Variants in HEMK2 observed in about 807,000 individuals in gnomAD.
HEMK2 encodes the protein HemK methyltransferase 2, ETF1 glutamine and histone H4 lysine, also known as methyltransferase HEMK2.
the HEMK2 span, among the ~76,000 whole-genome samples, chr21:28,838,972 A>AAAAATATATATAT: frequency 6.9e-5 from 2 of 29,162 alleles, no homozygotes. Context: ...AAAAAAAAAA[A>AAAAATATATATAT]ATATATATAT....
At chr21:28,667,476 G>A in the HEMK2 span, among the ~76,000 whole-genome samples, 18 of 152,060 alleles carry the variant, frequency 1.2e-4, no homozygotes, top group Non-Finnish European at 1.8e-4. Flanking sequence ...AGAATGTGTC[G>A]AATACACATT....
At chr21:28,609,441 A>G in the HEMK2 span, among the ~76,000 whole-genome samples, 1 of 152,134 alleles carries the variant, frequency 6.6e-6, no homozygotes, top group Non-Finnish European at 1.5e-5. Context: ...TAGTCTACCC[A>G]AATGAGAAGG....
the HEMK2 span, among the ~76,000 whole-genome samples, chr21:28,780,306 T>C: frequency 6.6e-6 from 1 of 152,182 alleles, no homozygotes; most frequent in East Asian, 1.9e-4. Context: ...GCCTTCCAAG[T>C]AGCTGTGACT....
chr21:28,611,911 C>CAAAAA, the HEMK2 span, among the ~76,000 whole-genome samples: 1 of 71,934 alleles, frequency 1.4e-5, no homozygotes, highest in Non-Finnish European at 2.9e-5. Context: ...GACACCATCT[C>CAAAAA]AAAAAAAAAA....
the HEMK2 span, among the ~76,000 whole-genome samples, chr21:28,636,689 T>C: frequency 2.6e-5 from 4 of 152,272 alleles, no homozygotes; most frequent in African/African-American, 9.6e-5. Context: ...TAAATCAATA[T>C]TGCAATGAAG....
At chr21:28,880,949 A>AAAG in the HEMK2 span, among the ~76,000 whole-genome samples, 1 of 139,694 alleles carries the variant, frequency 7.2e-6, no homozygotes, top group Non-Finnish European at 1.6e-5. Flanking sequence ...AAAAAAAAAA[A>AAAG]AAACCGGAAA....
the HEMK2 span, among the ~76,000 whole-genome samples, chr21:28,639,584 C>T: frequency 5.9e-5 from 9 of 152,234 alleles, no homozygotes; most frequent in African/African-American, 1.7e-4. Flanking sequence ...CTTCATGGAG[C>T]AGGTGGGACC....
the HEMK2 span, among the ~76,000 whole-genome samples, chr21:28,584,344 A>G: frequency 6.6e-6 from 1 of 152,202 alleles, no homozygotes; most frequent in Non-Finnish European, 1.5e-5. Flanking sequence ...GCAAATCAGT[A>G]ATAATGGAAT....
At chr21:28,595,557 CA>C in the HEMK2 span, among the ~76,000 whole-genome samples, 2 of 152,120 alleles carry the variant, frequency 1.3e-5, no homozygotes, top group African/African-American at 2.4e-5. Flanking sequence ...ATAAATACTA[CA>C]TTTTTTTAAC....
At chr21:28,633,943 G>C in the HEMK2 span, among the ~76,000 whole-genome samples, 1 of 152,152 alleles carries the variant, frequency 6.6e-6, no homozygotes, top group Non-Finnish European at 1.5e-5. Context: ...CCAGCTTCCT[G>C]TGCTGGGCCC....
At chr21:28,755,038 G>C in the HEMK2 span, among the ~76,000 whole-genome samples, 1 of 152,188 alleles carries the variant, frequency 6.6e-6, no homozygotes, top group Non-Finnish European at 1.5e-5. Flanking sequence ...GAGTTGGCCA[G>C]GCAGAGCTGA....
chr21:28,865,642 C>T, the HEMK2 span, among the ~76,000 whole-genome samples: 2 of 152,220 alleles, frequency 1.3e-5, no homozygotes, highest in Non-Finnish European at 2.9e-5. Flanking sequence ...CCTAGCCAGA[C>T]TGAGCTACTT....
the HEMK2 span, among the ~76,000 whole-genome samples, chr21:28,616,132 C>T: frequency 6.6e-6 from 1 of 152,166 alleles, no homozygotes; most frequent in Non-Finnish European, 1.5e-5. Flanking sequence ...TCACTTTCAG[C>T]TTGCAGATCA....
At chr21:28,767,418 G>A in the HEMK2 span, among the ~76,000 whole-genome samples, 2 of 147,812 alleles carry the variant, frequency 1.4e-5, no homozygotes, top group African/African-American at 2.6e-5. Flanking sequence ...AAAAGGGCAT[G>A]AGATTTAAAA....
the HEMK2 span, among the ~76,000 whole-genome samples, chr21:28,852,330 G>A: frequency 0.11 from 17,219 of 152,092 alleles, 1,185 homozygotes; most frequent in South Asian, 0.17. Context: ...TTCTGGCACC[G>A]GGGAAGTGAC....
the HEMK2 span, among the ~76,000 whole-genome samples, chr21:28,583,033 T>C: frequency 2.6e-5 from 4 of 152,208 alleles, no homozygotes; most frequent in African/African-American, 7.2e-5. Flanking sequence ...GTTGATGACA[T>C]AGTGATATTA....
chr21:28,681,838 G>GGCTAGCCATATGTAGAAA, the HEMK2 span, among the ~76,000 whole-genome samples: 2 of 152,122 alleles, frequency 1.3e-5, no homozygotes, highest in Non-Finnish European at 2.9e-5. Context: ...TGGGAGAACT[G>GGCTAGCCATATGTAGAAA]GCTAGCCATA....
chr21:28,838,988 T>G, the HEMK2 span, among the ~76,000 whole-genome samples: 1 of 76,696 alleles, frequency 1.3e-5, no homozygotes, highest in Non-Finnish European at 2.3e-5. Context: ...TATATATATA[T>G]ATATATATAT....
chr21:28,652,430 TCCTC>T, the HEMK2 span, among the ~76,000 whole-genome samples: 6,901 of 151,778 alleles, frequency 0.045, 242 homozygotes, highest in Middle Eastern at 0.14. Flanking sequence ...TCTCTTTTCT[TCCTC>T]CCTTCCTTCC....
Sources: gnomAD v4.1 joint callset for allele counts (sites outside exome capture counted in the v4.1 genomes callset) on GRCh38, gnomAD v4.1.1 for gene constraint, MANE v1.5 for transcripts, NCBI Gene and HGNC (gene_info 2026-07-23, HGNC 2026-07-21) for gene names.